The following ZNF248 variants were observed in gnomAD, a reference collection of about 807,000 sequenced individuals.
The protein encoded by ZNF248 is zinc finger protein 248, also known as KRAB protein domain.
A neutral mutation model predicts 44.3 loss-of-function variants in ZNF248; 20 were observed. That is an observed-to-expected ratio of 0.45 (90% CI 0.32 to 0.66). ZNF248 has a LOEUF of 0.66. ZNF248 is among the 30% of genes least tolerant of loss of function. ZNF248 has a pLI of 0.04. For synonymous variants in ZNF248, 224 were observed against 229.0 expected (o/e 0.98, Z 0.20); for missense variants, 654 against 677.0 (o/e 0.97, Z 0.38).
chr10:37,772,293 G>T (rs2046282071), downstream of ZNF248, among the ~76,000 whole-genome samples: 2 of 151,810 alleles, frequency 1.3e-5, no homozygotes, highest in Non-Finnish European at 1.5e-5. Flanking sequence ...TTTCTAGTCT[G>T]GTTTCTGCAT....
At chr10:37,801,298 C>T (rs2049794162) in intron 6 of ZNF248, among the ~76,000 whole-genome samples, 1 of 151,886 alleles carries the variant, frequency 6.6e-6, no homozygotes, top group African/African-American at 2.4e-5. Flanking sequence ...ATCCCTTGAA[C>T]CCAGGAGTGG....
intron 6 of ZNF248, among the ~76,000 whole-genome samples, chr10:37,778,567 T>C (rs941176360): frequency 7.9e-5 from 12 of 152,170 alleles, no homozygotes; most frequent in African/African-American, 2.2e-4. Flanking sequence ...AATTTTGTCT[T>C]TTGTTGCCAT....
chr10:37,820,225 G>C (rs2053232402), intron 6 of ZNF248: 11 of 1,331,800 alleles, frequency 8.3e-6, no homozygotes, highest in Admixed American at 5.1e-5. Flanking sequence ...GACTGGGTCT[G>C]TCTGTGCCAG....
At chr10:37,793,000 G>C (rs933087758) in intron 6 of ZNF248, among the ~76,000 whole-genome samples, 1 of 152,102 alleles carries the variant, frequency 6.6e-6, no homozygotes, top group African/African-American at 2.4e-5. Context: ...CTGGGTGAAA[G>C]GTGTACGAGA....
chr10:37,825,807 ACTG>A (rs754963273), downstream of ZNF248, among the ~76,000 whole-genome samples: 4 of 152,034 alleles, frequency 2.6e-5, no homozygotes, highest in Non-Finnish European at 4.4e-5. Context: ...TTTCATTAGA[ACTG>A]AAAATAAACT....
At chr10:37,816,704 A>C (rs1407589579) in intron 6 of ZNF248, among the ~76,000 whole-genome samples, 2 of 152,162 alleles carry the variant, frequency 1.3e-5, no homozygotes, top group East Asian at 3.9e-4. Flanking sequence ...CACTCATTCA[A>C]ATAAGGTCAG....
At chr10:37,835,310 A>AATAT (rs1589690992) in intron 5 of ZNF248, among the ~76,000 whole-genome samples, 1 of 152,156 alleles carries the variant, frequency 6.6e-6, no homozygotes, top group East Asian at 1.9e-4. Flanking sequence ...ACTGGTGGGA[A>AATAT]ATATTAACAG....
rs995039707 is a variant in ZNF248, at chr10:37,819,299, C to T, written c.330+13726G>A. 4 of 994,222 alleles carry T rather than the reference C, an allele frequency of 4.0e-6. No individual in the cohort carries two copies. In the African/African-American group the frequency reaches 4.8e-5, roughly 12 times the overall value. The allele number at this position is 994,222 out of a possible 1,614,324, so 61.6% of individuals were successfully genotyped here. On this transcript the variant is annotated intron_variant, in intron 6 of 6. Transcript: ENST00000615949. ...TCCCTCACAGTATTCTAACACTGTA[C>T]AAAATGAGTCAGTATCCAGTGAAAA...
chr10:37,816,572 G>A (rs1310832133), intron 6 of ZNF248, among the ~76,000 whole-genome samples: 1 of 152,148 alleles, frequency 6.6e-6, no homozygotes, highest in East Asian at 1.9e-4. Flanking sequence ...TCTTTCGTTG[G>A]TTCACCTCTG....
intron 6 of ZNF248, among the ~76,000 whole-genome samples, chr10:37,813,093 C>A (rs1238578732): frequency 6.7e-6 from 1 of 150,326 alleles, no homozygotes; most frequent in Non-Finnish European, 1.5e-5. Flanking sequence ...TGGAGAAATT[C>A]AAGATCTCAT....
At chr10:37,819,459 C>G in intron 6 of ZNF248, 1 of 1,569,982 alleles carries the variant, frequency 6.4e-7, no homozygotes, top group Admixed American at 1.7e-5. Context: ...TTCACAGCTA[C>G]GTATCTTTGC....
At chr10:37,806,267 C>A (rs1475080358) in intron 6 of ZNF248, among the ~76,000 whole-genome samples, 1 of 152,152 alleles carries the variant, frequency 6.6e-6, no homozygotes, top group Non-Finnish European at 1.5e-5. Flanking sequence ...ATTTTATGAG[C>A]AACTGCCATA....
Position 37,831,059 on chromosome 10 carries a change from T to C in ZNF248, c.*556A>G, listed in dbSNP as rs917691451. 5 of 1,237,490 alleles carry C rather than the reference T, an allele frequency of 4.0e-6. No individual in the cohort carries two copies. The Admixed American group carries it at 1.0e-4, about 26-fold the overall frequency. 76.7% of individuals were successfully genotyped at this position (1,237,490 alleles called of 1,614,324 possible). On this transcript the variant is annotated 3_prime_UTR_variant, in exon 6 of 6. Transcript: ENST00000395867. ...ACATATACACACAAACATATGTACATACACATATATAATTATGTCAACCTA... is the reference window on the plus strand; with the variant it reads ...ACATATACACACAAACATATGTACACACACATATATAATTATGTCAACCTA...
At chr10:37,778,772 C>A (rs529954896) in intron 6 of ZNF248, among the ~76,000 whole-genome samples, 97 of 151,144 alleles carry the variant, frequency 6.4e-4, no homozygotes, top group African/African-American at 2.2e-3. Flanking sequence ...GCTAGCAAGA[C>A]TAATAAAGAA....
chr10:37,806,985 T>TC (rs1459227272), intron 6 of ZNF248, among the ~76,000 whole-genome samples: 4 of 150,764 alleles, frequency 2.7e-5, no homozygotes, highest in Non-Finnish European at 4.4e-5. Flanking sequence ...TTCCCAGCAT[T>TC]TTTTTTTTCT....
chr10:37,844,704 T>C (rs916670904), intron 3 of ZNF248, among the ~76,000 whole-genome samples: 6 of 152,016 alleles, frequency 3.9e-5, no homozygotes, highest in African/African-American at 1.2e-4. Context: ...TTAATCTCCA[T>C]GGTAAACACC....
downstream of ZNF248, among the ~76,000 whole-genome samples, chr10:37,771,774 T>A: frequency 6.6e-6 from 1 of 151,918 alleles, no homozygotes; most frequent in Non-Finnish European, 1.5e-5. Flanking sequence ...TAAAGTATAA[T>A]AATAATAAAA....
chr10:37,804,497 C>T (rs905054231), intron 6 of ZNF248, among the ~76,000 whole-genome samples: 6 of 151,322 alleles, frequency 4.0e-5, no homozygotes, highest in African/African-American at 1.5e-4. Context: ...GCAGTGTTGC[C>T]ATCTTGGCTC....
At chr10:37,818,159 A>G (rs1003882325) in intron 6 of ZNF248, among the ~76,000 whole-genome samples, 9 of 151,946 alleles carry the variant, frequency 5.9e-5, no homozygotes, top group African/African-American at 2.2e-4. Flanking sequence ...CTTGTGATCC[A>G]CCTTCCTTGG....
Sources: allele counts gnomAD v4.1 joint callset (sites outside exome capture counted in the v4.1 genomes callset), GRCh38; gene constraint gnomAD v4.1.1; transcripts MANE v1.5; gene names NCBI Gene and HGNC (gene_info 2026-07-23, HGNC 2026-07-21).